ME3: variants seen among roughly 807,000 people sequenced by gnomAD.
The protein encoded by ME3 is malic enzyme 3, also known as NADP-dependent malic enzyme, mitochondrial.
ME3 carries 48 observed loss-of-function variants against 68.9 expected under a neutral mutation model. The ratio of observed to expected loss-of-function variants is 0.70; its 90% CI spans 0.55 to 0.89. The LOEUF (loss-of-function observed/expected upper bound fraction) is 0.89, where lower values mean the gene tolerates loss of function less well. Among genes scored for constraint, ME3 ranks in the 40% least tolerant of loss-of-function variants. The pLI is 0.00. For missense variants in ME3, 675 were observed against 797.4 expected (o/e 0.85, Z 1.85); for synonymous variants, 320 against 318.8 (o/e 1.00, Z -0.04).
At chr11:86,468,322 A>G (rs1195379664) in intron 7 of ME3, among the ~76,000 whole-genome samples, 2 of 152,084 alleles carry the variant, frequency 1.3e-5, no homozygotes, top group Non-Finnish European at 2.9e-5. Context: ...TTCATCTATC[A>G]TCATCCAACC....
At chr11:86,500,284 T>C (rs1279000321) in intron 5 of ME3, among the ~76,000 whole-genome samples, 1 of 152,276 alleles carries the variant, frequency 6.6e-6, no homozygotes, top group African/African-American at 2.4e-5. Flanking sequence ...GGAAATCTGC[T>C]ACTCCAGGCT....
intron 2 of ME3, among the ~76,000 whole-genome samples, chr11:86,604,212 A>G (rs1424628626): frequency 6.6e-6 from 1 of 152,122 alleles, no homozygotes; most frequent in Non-Finnish European, 1.5e-5. Context: ...GACTTCAGAG[A>G]GAACAGGCTG....
At chr11:86,501,946 A>G (rs1952752431) in intron 5 of ME3, among the ~76,000 whole-genome samples, 1 of 152,088 alleles carries the variant, frequency 6.6e-6, no homozygotes, top group Non-Finnish European at 1.5e-5. Flanking sequence ...TTTTTTCTGA[A>G]GCATGCCCAG....
At chr11:86,619,429 T>C (rs751229364) in intron 2 of ME3, among the ~76,000 whole-genome samples, 9 of 152,240 alleles carry the variant, frequency 5.9e-5, no homozygotes, top group Non-Finnish European at 1.2e-4. Context: ...TACTTGTTGA[T>C]AATGGTTTGG....
At chr11:86,631,093 C>G (rs991620668) in intron 2 of ME3, among the ~76,000 whole-genome samples, 7 of 152,218 alleles carry the variant, frequency 4.6e-5, no homozygotes, top group African/African-American at 1.7e-4. Context: ...GTTGGAGGAA[C>G]TGCTGGATTA....
chr11:86,479,825 T>TC (rs200237870), intron 7 of ME3, among the ~76,000 whole-genome samples: 22 of 143,518 alleles, frequency 1.5e-4, no homozygotes, highest in Admixed American at 6.3e-4. Context: ...TTTCTTTCTT[T>TC]TTTTTTTGAG....
chr11:86,597,473 TGGAAAG>T (rs1289499555), intron 2 of ME3, among the ~76,000 whole-genome samples: 1 of 152,208 alleles, frequency 6.6e-6, no homozygotes, highest in Non-Finnish European at 1.5e-5. Flanking sequence ...ATCTTGTTGT[TGGAAAG>T]GGAAGGAGAA....
At chr11:86,544,095 C>T (rs566495404) in intron 4 of ME3, among the ~76,000 whole-genome samples, 3 of 152,084 alleles carry the variant, frequency 2.0e-5, no homozygotes, top group Non-Finnish European at 4.4e-5. Flanking sequence ...TAAATAAGTT[C>T]TTTGAAATCA....
At chr11:86,496,405 CAAA>C (rs1565860310) in intron 6 of ME3, among the ~76,000 whole-genome samples, 1 of 149,534 alleles carries the variant, frequency 6.7e-6, no homozygotes, top group African/African-American at 2.5e-5. Flanking sequence ...GAGTCTGTCT[CAAA>C]AGAAAAGAAA....
intron 2 of ME3, among the ~76,000 whole-genome samples, chr11:86,568,350 A>T (rs1264552271): frequency 6.6e-6 from 1 of 152,194 alleles, no homozygotes; most frequent in Non-Finnish European, 1.5e-5. Flanking sequence ...CAATGGGTTA[A>T]TGTCTGGAAT....
chr11:86,465,020 T>G (rs1950406959), intron 8 of ME3, 71 bp downstream of exon 8: 2 of 1,273,042 alleles, frequency 1.6e-6, no homozygotes, highest in Non-Finnish European at 1.1e-6. Context: ...TCCTCACCCC[T>G]TTGGCATCCC....
At chr11:86,457,730 A>T in intron 8 of ME3, 1 of 1,287,598 alleles carries the variant, frequency 7.8e-7, no homozygotes, top group Non-Finnish European at 1.0e-6. Context: ...CATAAATGCC[A>T]TGGGCAGCTG....
chr11:86,651,465 CT>C (rs1194625843), intron 2 of ME3, among the ~76,000 whole-genome samples: 3 of 152,230 alleles, frequency 2.0e-5, no homozygotes, highest in Non-Finnish European at 2.9e-5. Context: ...GCCTCTGCTG[CT>C]GATACCCAGG....
At chr11:86,669,054 T>G (rs1435354414) in intron 2 of ME3, among the ~76,000 whole-genome samples, 4 of 152,218 alleles carry the variant, frequency 2.6e-5, no homozygotes, top group African/African-American at 9.6e-5. Context: ...ACCTGGCTGA[T>G]GCAAAGTACC....
At chr11:86,602,305 C>A (rs916504537) in intron 2 of ME3, among the ~76,000 whole-genome samples, 13 of 147,294 alleles carry the variant, frequency 8.8e-5, no homozygotes, top group African/African-American at 3.0e-4. Context: ...TCTTATACAC[C>A]AATAACAGAC....
At chr11:86,649,549 G>T (rs561711255) in intron 2 of ME3, among the ~76,000 whole-genome samples, 3 of 152,320 alleles carry the variant, frequency 2.0e-5, no homozygotes, top group Non-Finnish European at 4.4e-5. Context: ...TGACATGATT[G>T]TATATTTAGA....
exon 13 of ME3, chr11:86,446,364 C>T (rs1417348467): frequency 5.0e-6 from 8 of 1,614,156 alleles, no homozygotes; most frequent in Non-Finnish European, 6.8e-6. Context: ...ATCCCGCCGG[C>T]GATGACTCCC....
At chr11:86,560,748 G>GTGTATGTGTATATATATATA (rs1243025217) in intron 2 of ME3, among the ~76,000 whole-genome samples, 49 of 62,522 alleles carry the variant, frequency 7.8e-4, no homozygotes, top group Admixed American at 4.6e-3. Flanking sequence ...GTGTGTGTGT[G>GTGTATGTGTATATATATATA]TATATATATA....
chr11:86,618,299 C>CAAAAAAAAAAAAAAAAA (rs55824426), intron 2 of ME3, among the ~76,000 whole-genome samples: 5 of 55,944 alleles, frequency 8.9e-5, no homozygotes, highest in African/African-American at 2.1e-4. Context: ...GGCTCTGTCT[C>CAAAAAAAAAAAAAAAAA]AAAAAAAAAA....
Sources: allele counts gnomAD v4.1 joint callset (sites outside exome capture counted in the v4.1 genomes callset), GRCh38; gene constraint gnomAD v4.1.1; transcripts MANE v1.5; gene names NCBI Gene and HGNC (gene_info 2026-07-23, HGNC 2026-07-21).